The following ARPP21 variants were observed in gnomAD, a reference collection of about 807,000 sequenced individuals.
The protein encoded by ARPP21 is cAMP-regulated phosphoprotein 21.
In ARPP21, 69 loss-of-function variants were observed where a neutral mutation model predicts 113.2. That is an observed-to-expected ratio of 0.61 (90% CI 0.50 to 0.74). The LOEUF (loss-of-function observed/expected upper bound fraction) is 0.74, where lower values mean the gene tolerates loss of function less well. ARPP21 is among the 30% of genes least tolerant of loss of function. The pLI, the probability that ARPP21 is intolerant of heterozygous loss-of-function variation, is 0.00. For missense variants in ARPP21, 1,070 were observed against 1,037.4 expected (o/e 1.03, Z -0.43); for synonymous variants, 368 against 375.5 (o/e 0.98, Z 0.23).
chr3:35,725,544 C>T (rs7635731), intron 14 of ARPP21, among the ~76,000 whole-genome samples: 54,318 of 152,032 alleles, frequency 0.36, 10,959 homozygotes, highest in East Asian at 0.72. Flanking sequence ...GTGGCAGAAC[C>T]AGAATTAAAA....
intron 1 of ARPP21, among the ~76,000 whole-genome samples, chr3:35,659,200 A>G (rs949799731): frequency 1.7e-4 from 26 of 152,310 alleles, no homozygotes; most frequent in Middle Eastern, 3.4e-3. Context: ...TTTAAGAAAT[A>G]CTTTTAACAT....
intron 5 of ARPP21, chr3:35,684,732 G>A (rs567651620): frequency 4.1e-6 from 4 of 984,956 alleles, no homozygotes; most frequent in Non-Finnish European, 4.8e-6. Flanking sequence ...TGGAAACAGA[G>A]AGCATTGAGA....
intron 15 of ARPP21, among the ~76,000 whole-genome samples, chr3:35,735,075 G>T (rs376733382): frequency 6.6e-6 from 1 of 151,910 alleles, no homozygotes; most frequent in Non-Finnish European, 1.5e-5. Context: ...AGAATGTCTC[G>T]TTTTCTCTGG....
chr3:35,669,472 A>G (rs905406373), intron 1 of ARPP21, among the ~76,000 whole-genome samples: 1 of 152,126 alleles, frequency 6.6e-6, no homozygotes, highest in Non-Finnish European at 1.5e-5. Flanking sequence ...GGATAATTTT[A>G]TCCTAGCAAT....
At chr3:35,788,572 T>A (rs1012530399) in intron 19 of ARPP21, among the ~76,000 whole-genome samples, 1 of 152,158 alleles carries the variant, frequency 6.6e-6, no homozygotes, top group Non-Finnish European at 1.5e-5. Context: ...TCAACCTCCA[T>A]AATTAACAGC....
intron 19 of ARPP21, among the ~76,000 whole-genome samples, chr3:35,748,284 GAGGAAGGA>G (rs200253468): frequency 8.6e-5 from 10 of 116,366 alleles, no homozygotes; most frequent in African/African-American, 1.7e-4. Flanking sequence ...GAAAGAAAAG[GAGGAAGGA>G]AGGAAGGAAG....
chr3:35,742,443 G>A (rs1336153796), intron 18 of ARPP21, among the ~76,000 whole-genome samples: 1 of 152,132 alleles, frequency 6.6e-6, no homozygotes, highest in East Asian at 1.9e-4. Context: ...AAAGAGAGAA[G>A]TAGTAAGAGC....
At chr3:35,717,266 T>C (rs2092542409) in intron 12 of ARPP21, 32 bp from the exon 13 acceptor site, 1 of 1,367,776 alleles carries the variant, frequency 7.3e-7, no homozygotes. Flanking sequence ...CCTTAGGTTT[T>C]ATATCATAAA....
intron 11 of ARPP21, among the ~76,000 whole-genome samples, chr3:35,713,237 C>T (rs1442702814): frequency 1.6e-5 from 1 of 60,864 alleles, no homozygotes; most frequent in African/African-American, 6.5e-5. Flanking sequence ...ATTATTAATA[C>T]TACTTTTTTT....
At chr3:35,698,438 A>G (rs1373396461) in intron 9 of ARPP21, among the ~76,000 whole-genome samples, 4 of 151,686 alleles carry the variant, frequency 2.6e-5, no homozygotes, top group African/African-American at 9.7e-5. Context: ...TAGTATCCTT[A>G]ATATAATATT....
intron 5 of ARPP21, chr3:35,684,116 GCT>G: frequency 6.6e-7 from 1 of 1,511,194 alleles, no homozygotes; most frequent in Non-Finnish European, 8.8e-7. Context: ...TTCCTCAAAG[GCT>G]CTCTTTTGAT....
chr3:35,674,508 G>A lies in ARPP21; in HGVS notation c.-212-5279G>A, dbSNP rs2077031028. Among the ~76,000 whole-genome samples the A allele has an allele frequency of 2.0e-5, 3 of 151,740 alleles. No homozygotes were observed. The East Asian group carries it at 5.9e-4, about 30-fold the overall frequency. ...GCACCAATATGGATTGTAATTAATT[G>A]TTCCACATTAAAAAATTATGATGCC... On this transcript the variant is annotated intron_variant, in intron 1 of 20. Coordinates refer to ENST00000684406, the MANE Select transcript of ARPP21 (RefSeq NM_001385562.1).
chr3:35,760,061 C>T (rs1486748577), intron 19 of ARPP21, among the ~76,000 whole-genome samples: 1 of 152,042 alleles, frequency 6.6e-6, no homozygotes, highest in African/African-American at 2.4e-5. Flanking sequence ...TATTAAGCAT[C>T]ACATTGTATC....
At chr3:35,682,155 G>A (rs758588518) in intron 3 of ARPP21, among the ~76,000 whole-genome samples, 1 of 151,844 alleles carries the variant, frequency 6.6e-6, no homozygotes, top group Non-Finnish European at 1.5e-5. Flanking sequence ...ACCTCAAGGT[G>A]TACATAGAGG....
chr3:35,751,934 G>A (rs933528405), intron 19 of ARPP21, among the ~76,000 whole-genome samples: 3 of 152,048 alleles, frequency 2.0e-5, no homozygotes, highest in African/African-American at 7.2e-5. Context: ...AGAGGAAACA[G>A]TATCTCAATA....
intron 5 of ARPP21, 164 bp downstream of exon 5, chr3:35,683,979 T>G (rs1186402836): frequency 2.2e-6 from 3 of 1,359,982 alleles, no homozygotes; most frequent in Non-Finnish European, 3.1e-6. Context: ...TCTAAAATAG[T>G]TTAATGGTTT....
chr3:35,751,929 A>G (rs2095418088), intron 19 of ARPP21, among the ~76,000 whole-genome samples: 1 of 152,112 alleles, frequency 6.6e-6, no homozygotes, highest in South Asian at 2.1e-4. Flanking sequence ...AAATAAGAGG[A>G]AACAGTATCT....
intron 1 of ARPP21, among the ~76,000 whole-genome samples, chr3:35,668,790 G>A (rs1401694777): frequency 6.6e-6 from 1 of 152,018 alleles, no homozygotes; most frequent in Admixed American, 6.6e-5. Context: ...TCGTCATCAT[G>A]CATGTTTTGA....
At chr3:35,786,351 A>T (rs1335475268) in intron 19 of ARPP21, among the ~76,000 whole-genome samples, 2 of 151,872 alleles carry the variant, frequency 1.3e-5, no homozygotes, top group Non-Finnish European at 2.9e-5. Context: ...GTGAAACTCC[A>T]TCTCTACTAA....
Sources: allele counts gnomAD v4.1 joint callset (sites outside exome capture counted in the v4.1 genomes callset), GRCh38; gene constraint gnomAD v4.1.1; transcripts MANE v1.5; gene names NCBI Gene and HGNC (gene_info 2026-07-23, HGNC 2026-07-21).